ANKFN1: variants seen among roughly 807,000 people sequenced by gnomAD.
The protein encoded by ANKFN1 is ankyrin repeat and fibronectin type III domain containing 1.
A neutral mutation model predicts 108.7 loss-of-function variants in ANKFN1; 74 were observed. That is an observed-to-expected ratio of 0.68 (90% CI 0.56 to 0.83). The LOEUF is 0.83. Among genes scored for constraint, ANKFN1 ranks in the 40% least tolerant of loss-of-function variants. The probability of loss-of-function intolerance (pLI) is 0.00; values close to 1 mark genes in which losing one functional copy is unlikely to be tolerated. For missense variants in ANKFN1, 1,505 were observed against 1,382.3 expected, an observed-to-expected ratio of 1.09 and a Z score of -1.41; for synonymous variants, 547 against 516.2, an observed-to-expected ratio of 1.06 and a Z score of -0.81.
chr17:56,269,823 G>C (rs998555251), intron 3 of ANKFN1, among the ~76,000 whole-genome samples: 14 of 152,088 alleles, frequency 9.2e-5, no homozygotes, highest in African/African-American at 2.9e-4. Context: ...ACCGTGTTTG[G>C]GGCCCTCTGT....
At chr17:56,154,914 T>C (rs1284103803) in intron 1 of ANKFN1, among the ~76,000 whole-genome samples, 3 of 152,176 alleles carry the variant, frequency 2.0e-5, no homozygotes, top group African/African-American at 7.2e-5. Context: ...CACTAATTAG[T>C]GGCAGAACTT....
intron 8 of ANKFN1, among the ~76,000 whole-genome samples, chr17:56,423,545 A>C (rs1047490551): frequency 6.6e-6 from 1 of 152,144 alleles, no homozygotes; most frequent in African/African-American, 2.4e-5. Context: ...CCTATCCCTC[A>C]GCCCCTACGT....
chr17:56,196,890 C>T (rs1421162959), intron 1 of ANKFN1, among the ~76,000 whole-genome samples: 1 of 152,212 alleles, frequency 6.6e-6, no homozygotes, highest in East Asian at 1.9e-4. Context: ...TTGTGTCATG[C>T]AAATGACCCT....
chr17:56,197,209 C>A (rs570584553), intron 1 of ANKFN1, among the ~76,000 whole-genome samples: 9 of 152,270 alleles, frequency 5.9e-5, no homozygotes, highest in African/African-American at 1.9e-4. Context: ...ATTCCTGTCC[C>A]TCTCTAATGT....
At chr17:56,351,106 G>A (rs1046495904) in intron 5 of ANKFN1, 139 bp downstream of exon 5, 11 of 770,946 alleles carry the variant, frequency 1.4e-5, no homozygotes, top group Non-Finnish European at 2.1e-5. Context: ...ATTCAGGTAG[G>A]GTAGTAACTG....
chr17:56,308,284 C>A (rs2044901357), intron 3 of ANKFN1, among the ~76,000 whole-genome samples: 1 of 150,284 alleles, frequency 6.7e-6, no homozygotes, highest in Admixed American at 6.6e-5. Flanking sequence ...CATGGGAGTG[C>A]AAAAAAAAGA....
At chr17:56,479,911 T>G (rs955439663) in intron 16 of ANKFN1, among the ~76,000 whole-genome samples, 2 of 152,242 alleles carry the variant, frequency 1.3e-5, no homozygotes, top group Admixed American at 1.3e-4. Context: ...GAAACAATGT[T>G]GCCCAAGAGG....
chr17:56,483,554 T>A (rs763483985), intron 18 of ANKFN1, among the ~76,000 whole-genome samples: 3 of 152,206 alleles, frequency 2.0e-5, no homozygotes, highest in Non-Finnish European at 4.4e-5. Flanking sequence ...ACAGCAATTG[T>A]TACTTTCTAG....
chr17:56,504,865 G>A (rs1378723700), intron 20 of ANKFN1, among the ~76,000 whole-genome samples: 9 of 144,416 alleles, frequency 6.2e-5, no homozygotes, highest in African/African-American at 2.3e-4. Context: ...TAAACACAGG[G>A]TTGCATCAGG....
upstream of ANKFN1, among the ~76,000 whole-genome samples, chr17:56,151,204 C>A (rs529142498): frequency 6.6e-6 from 1 of 152,308 alleles, no homozygotes; most frequent in South Asian, 2.1e-4. Context: ...TGGCACCTAA[C>A]ACCCTCTACC....
intron 8 of ANKFN1, among the ~76,000 whole-genome samples, chr17:56,433,830 T>TAA (rs531675598): frequency 0.045 from 6,461 of 143,522 alleles, 175 homozygotes; most frequent in Non-Finnish European, 0.062. Context: ...CCTATGGAAA[T>TAA]AAAAAAAAAA....
intron 1 of ANKFN1, among the ~76,000 whole-genome samples, chr17:56,176,658 C>G (rs560156373): frequency 1.3e-5 from 2 of 152,262 alleles, no homozygotes; most frequent in East Asian, 3.9e-4. Flanking sequence ...GTACTCAAAG[C>G]ACTTTTTTAA....
intron 4 of ANKFN1, among the ~76,000 whole-genome samples, chr17:56,139,279 T>C (rs1385078297): frequency 6.6e-6 from 1 of 152,156 alleles, no homozygotes; most frequent in Non-Finnish European, 1.5e-5. Context: ...GTTAACTTCA[T>C]TTGCCTTTGA....
At chr17:56,457,735 G>A (rs1568017196) in intron 13 of ANKFN1, 128 bp from the exon 14 acceptor site, 2 of 718,072 alleles carry the variant, frequency 2.8e-6, no homozygotes, top group Non-Finnish European at 4.8e-6. Context: ...TGTTTCGTGT[G>A]TGTCTGAAAA....
chr17:56,176,330 G>A (rs1911151986), intron 1 of ANKFN1, among the ~76,000 whole-genome samples: 1 of 152,084 alleles, frequency 6.6e-6, no homozygotes, highest in South Asian at 2.1e-4. Flanking sequence ...ATTTTTCCTT[G>A]GTCTGAACAT....
At chr17:56,151,421 G>C (rs770151894), upstream of ANKFN1, among the ~76,000 whole-genome samples, 3 of 152,132 alleles carry the variant, frequency 2.0e-5, no homozygotes, top group African/African-American at 4.8e-5. Context: ...GTTGTAATTT[G>C]TGCATTTTTT....
chr17:56,267,498 C>T (rs1040117550), intron 3 of ANKFN1, among the ~76,000 whole-genome samples: 1 of 152,080 alleles, frequency 6.6e-6, no homozygotes, highest in Non-Finnish European at 1.5e-5. Context: ...GGCCTCTGTT[C>T]AGAATAGTAT....
chr17:56,048,656 C>T (rs1904721123), intron 4 of ANKFN1, among the ~76,000 whole-genome samples: 1 of 152,204 alleles, frequency 6.6e-6, no homozygotes, highest in South Asian at 2.1e-4. Flanking sequence ...TCAAGCTCAG[C>T]AGCCTCTCAT....
At chr17:56,351,801 G>A (rs2046255146) in intron 5 of ANKFN1, among the ~76,000 whole-genome samples, 1 of 152,150 alleles carries the variant, frequency 6.6e-6, no homozygotes, top group Non-Finnish European at 1.5e-5. Context: ...AGTAAAAGCT[G>A]AGAGCATAAT....
Sources: allele counts gnomAD v4.1 joint callset (sites outside exome capture counted in the v4.1 genomes callset), GRCh38; gene constraint gnomAD v4.1.1; transcripts MANE v1.5; gene names NCBI Gene and HGNC (gene_info 2026-07-23, HGNC 2026-07-21).